The following ITIH2 variants were observed in gnomAD, a reference collection of about 807,000 sequenced individuals.
ITIH2 encodes the protein inter-alpha-trypsin inhibitor heavy chain 2, also known as inter-alpha-trypsin inhibitor heavy chain H2.
In ITIH2, 103 loss-of-function variants were observed where a neutral mutation model predicts 104.4. The observed-to-expected ratio is 0.99, with a 90% confidence interval of 0.84 to 1.16. ITIH2 has a LOEUF of 1.16. Among genes scored for constraint, ITIH2 ranks in the 50% most tolerant of loss-of-function variants. The pLI is 0.00. For synonymous variants in ITIH2, 436 were observed against 435.4 expected (o/e 1.00, Z -0.02); for missense variants, 1,108 against 1,162.4 (o/e 0.95, Z 0.68).
At position 7,749,443 on chromosome 10, in the gene ITIH2, T is replaced by A; in HGVS notation, c.*109T>A. 1.1e-6 allele frequency: 1 copy of A among 931,692 alleles called. No homozygotes were observed. Among genetic ancestry groups the A allele is most frequent in the Non-Finnish European group, 1.6e-6 (1 of 626,304 alleles). The allele number at this position is 931,692 out of a possible 1,614,324, so 57.7% of individuals were successfully genotyped here. On this transcript the variant is annotated 3_prime_UTR_variant, in exon 21 of 21. Coordinates refer to ENST00000358415, the MANE Select transcript of ITIH2 (RefSeq NM_002216.3). ...AAAATGAACCAGATATCAGGGTGGT[T>A]AATTAAAATGAACCAGATATCAGGG... is the stretch of plus-strand genomic sequence containing the variant.
At position 7,726,565 on chromosome 10, in the gene ITIH2, A is replaced by AGAAAGAGGGTGATGGTGGTGGTT. The variant is rs1834952853; in HGVS notation, c.985-384_985-362dup. Among the ~76,000 whole-genome samples the AGAAAGAGGGTGATGGTGGTGGTT allele has an allele frequency of 5.3e-5, 8 of 152,304 alleles. No individual in the cohort carries two copies. The South Asian group carries it at 1.7e-3, about 32-fold the overall frequency. On this transcript the variant is annotated intron_variant, in intron 9 of 20. Coordinates refer to ENST00000358415, the MANE Select transcript of ITIH2 (RefSeq NM_002216.3). The stretch of plus-strand genomic sequence containing the variant: ...ATCAAAATCATCACACGTAAGCTAG[A>AGAAAGAGGGTGATGGTGGTGGTT]GAAAGAGGGTGATGGTGGTGGTTTA...
intron 3 of ITIH2, among the ~76,000 whole-genome samples, chr10:7,708,621 C>T (rs925453713): frequency 3.7e-4 from 57 of 152,230 alleles, no homozygotes; most frequent in African/African-American, 1.4e-3. Flanking sequence ...AAAGATACAA[C>T]CAAGTTCCTC....
chr10:7,727,172 G>A, intron 10 of ITIH2, 54 bp downstream of exon 10: 1 of 1,461,744 alleles, frequency 6.8e-7, no homozygotes, highest in Non-Finnish European at 9.4e-7. Context: ...TTCAAATCAT[G>A]ATTCACTTAA....
intron 5 of ITIH2, among the ~76,000 whole-genome samples, chr10:7,716,393 A>C (rs758605450): frequency 3.3e-5 from 5 of 152,180 alleles, no homozygotes; most frequent in Non-Finnish European, 5.9e-5. Flanking sequence ...AAGATCAATG[A>C]TCACATTGAA....
intron 11 of ITIH2, 114 bp downstream of exon 11, chr10:7,727,942 T>A: frequency 8.2e-7 from 1 of 1,218,680 alleles, no homozygotes; most frequent in Non-Finnish European, 1.2e-6. Flanking sequence ...TAGAACATTT[T>A]AAACCCATGC....
At chr10:7,733,227 T>C (rs796244109) in intron 14 of ITIH2, among the ~76,000 whole-genome samples, 8 of 152,282 alleles carry the variant, frequency 5.3e-5, no homozygotes, top group African/African-American at 1.9e-4. Flanking sequence ...TCTGTATTCC[T>C]CTGTTCCTGG....
At chr10:7,745,898 G>A (rs1237744226) in intron 19 of ITIH2, among the ~76,000 whole-genome samples, 2 of 150,954 alleles carry the variant, frequency 1.3e-5, no homozygotes, top group African/African-American at 2.4e-5. Context: ...GGGATTACAG[G>A]CATGCACCAC....
chr10:7,746,570 A>AATGTCAATCC (rs755180296), intron 19 of ITIH2, 23 bp from the exon 20 acceptor site: 2 of 1,456,278 alleles, frequency 1.4e-6, no homozygotes, highest in Non-Finnish European at 1.9e-6. Flanking sequence ...CATGTCAATC[A>AATGTCAATCC]ATGTCTGATT....
chr10:7,721,898 G>A, intron 8 of ITIH2, 121 bp downstream of exon 8: 1 of 986,004 alleles, frequency 1.0e-6, no homozygotes, highest in East Asian at 2.4e-5. Context: ...TCTAGCTGCA[G>A]AGAAGGGACT....
chr10:7,739,008 G>C (rs1445808170), intron 16 of ITIH2, among the ~76,000 whole-genome samples: 1 of 152,210 alleles, frequency 6.6e-6, no homozygotes, highest in East Asian at 1.9e-4. Flanking sequence ...TCAGTGGGAG[G>C]TTTGGGTAGT....
intron 20 of ITIH2, among the ~76,000 whole-genome samples, chr10:7,748,521 CTTTTTTTTTTT>C (rs549517172): frequency 1.1e-3 from 31 of 27,132 alleles, no homozygotes; most frequent in East Asian, 8.1e-3. Context: ...CCAATGCATT[CTTTTTTTTTTT>C]TTTTTTTTTT....
chr10:7,731,966 T>A lies in ITIH2; in HGVS notation c.1617T>A (p.Asp539Glu). Reference protein sequence around the residue: ...VAGKFDPAKLDQIESVITATS... With the variant: ...VAGKFDPAKLEQIESVITATS... ...GAAAATTTGACCCTGCTAAATTGGA[T>A]CAAATAGAGAGCGTTATCACGGCGA... Residue 539 changes from aspartate to glutamate, a missense_variant, in exon 13 of 21, where the codon GAT (aspartate) becomes GAA (glutamate). Physicochemically the swap from Asp to Glu is conservative, Grantham distance 45 (BLOSUM62 2). Transcript: ENST00000358415. 2 of 1,613,846 alleles carry A rather than the reference T, an allele frequency of 1.2e-6. No homozygotes were observed. Among genetic ancestry groups the A allele is most frequent in the Non-Finnish European group, 1.7e-6 (2 of 1,179,910 alleles).
At chr10:7,729,119 G>T (rs1303847102) in intron 11 of ITIH2, among the ~76,000 whole-genome samples, 2 of 152,154 alleles carry the variant, frequency 1.3e-5, no homozygotes, top group African/African-American at 2.4e-5. Flanking sequence ...TTCAAGACCA[G>T]CCTGGCCAAC....
chr10:7,747,056 T>C (rs970941346), intron 20 of ITIH2, among the ~76,000 whole-genome samples: 2 of 152,216 alleles, frequency 1.3e-5, no homozygotes, highest in Non-Finnish European at 2.9e-5. Context: ...GCAGAATGAA[T>C]GTAGATTTTT....
chr10:7,712,039 C>A (rs1834800705), intron 4 of ITIH2, among the ~76,000 whole-genome samples: 1 of 152,176 alleles, frequency 6.6e-6, no homozygotes, highest in Admixed American at 6.5e-5. Context: ...ATAAACACCA[C>A]CTTGGCAGGG....
Position 7,731,808 on chromosome 10 carries a change from T to C in ITIH2, c.1462-3T>C. On this transcript the variant is annotated splice_region_variant and splice_polypyrimidine_tract_variant and intron_variant, in intron 12 of 20. Coordinates refer to ENST00000358415, the MANE Select transcript of ITIH2 (RefSeq NM_002216.3). Reference sequence around the variant, plus strand: ...TTTCTCTCTCTCTCTCTGTGAATTGTAGAAATTCTACAACCAGGTCTCCAC... The same window carrying C: ...TTTCTCTCTCTCTCTCTGTGAATTGCAGAAATTCTACAACCAGGTCTCCAC... 1.9e-6 allele frequency: 3 copies of C among 1,589,666 alleles called. No individual in the cohort carries two copies. Among genetic ancestry groups the C allele is most frequent in the Non-Finnish European group, 2.6e-6 (3 of 1,165,870 alleles).
chr10:7,745,806 G>A (rs1835170496), intron 19 of ITIH2, among the ~76,000 whole-genome samples: 1 of 151,234 alleles, frequency 6.6e-6, no homozygotes, highest in African/African-American at 2.4e-5. Flanking sequence ...CCAGGCTGGA[G>A]CGCAGTGGCG....
At chr10:7,727,883 A>T (rs1049708572) in intron 11 of ITIH2, 55 bp downstream of exon 11, 1 of 1,601,640 alleles carries the variant, frequency 6.2e-7, no homozygotes, top group African/African-American at 1.3e-5. Flanking sequence ...GTTTCTTGGA[A>T]TGGTGGTTTG....
intron 16 of ITIH2, among the ~76,000 whole-genome samples, chr10:7,739,646 T>C (rs923693766): frequency 6.6e-6 from 1 of 152,114 alleles, no homozygotes; most frequent in Non-Finnish European, 1.5e-5. Context: ...ATCCCAGCAC[T>C]TTTGGAGGCT....
Sources: gnomAD v4.1 joint callset for allele counts (sites outside exome capture counted in the v4.1 genomes callset) on GRCh38, gnomAD v4.1.1 for gene constraint, MANE v1.5 for transcripts, NCBI Gene and HGNC (gene_info 2026-07-23, HGNC 2026-07-21) for gene names.